Variants in PALLD observed in about 807,000 individuals in gnomAD.
PALLD encodes the protein palladin, cytoskeletal associated protein, also known as palladin.
Under a neutral mutation model 123.5 loss-of-function variants are expected in PALLD, and 61 were observed. The observed-to-expected ratio is 0.49, with a 90% CI of 0.40 to 0.61. PALLD has a LOEUF of 0.61. Ranked by LOEUF, PALLD falls within the 20% of genes least tolerant of loss-of-function variation. The pLI is 0.00. For missense variants in PALLD, 1,273 were observed against 1,377.0 expected, an observed-to-expected ratio of 0.92 and a Z score of 1.20; for synonymous variants, 465 against 496.4, an observed-to-expected ratio of 0.94 and a Z score of 0.84.
At chr4:168,586,982 C>T (rs1049663494) in intron 2 of PALLD, among the ~76,000 whole-genome samples, 3 of 152,090 alleles carry the variant, frequency 2.0e-5, no homozygotes, top group African/African-American at 4.8e-5. Context: ...TGCAGAGCTG[C>T]GCTTCTGCTC....
chr4:168,664,030 T>C (rs1329558047), intron 2 of PALLD, among the ~76,000 whole-genome samples: 2 of 152,218 alleles, frequency 1.3e-5, no homozygotes, highest in Admixed American at 6.5e-5. Flanking sequence ...ACATATTACA[T>C]CTCCCTCCTT....
At chr4:168,610,623 A>G (rs1773636370) in intron 2 of PALLD, among the ~76,000 whole-genome samples, 1 of 152,178 alleles carries the variant, frequency 6.6e-6, no homozygotes, top group Admixed American at 6.5e-5. Context: ...AAGGGGTAGA[A>G]ATAAACTCGT....
intron 2 of PALLD, among the ~76,000 whole-genome samples, chr4:168,623,269 C>T (rs969934199): frequency 2.6e-5 from 4 of 152,118 alleles, no homozygotes; most frequent in African/African-American, 4.8e-5. Context: ...ATTTGTATCA[C>T]CACCTAAATA....
At position 168,646,699 on chromosome 4, in the gene PALLD, C is replaced by G. The variant is rs1414025587; in HGVS notation, c.909-21491C>G. ...AGTGGCATAAGATTAATTTCTATGG[C>G]TCCAAGCAATGATTACAGAAACATC... On this transcript the variant is annotated intron_variant, in intron 2 of 21. Transcript: ENST00000505667. Among the ~76,000 whole-genome samples the G allele has an allele frequency of 3.9e-5, 6 of 152,300 alleles. No individual in the cohort carries two copies. In the East Asian group the frequency reaches 9.7e-4, roughly 25 times the overall value.
intron 10 of PALLD, among the ~76,000 whole-genome samples, chr4:168,714,675 G>A (rs146130759): frequency 1.3e-5 from 2 of 152,178 alleles, no homozygotes; most frequent in African/African-American, 4.8e-5. Flanking sequence ...TTCACAAAAG[G>A]AAAGGCTTAT....
chr4:168,760,047 C>CAA (rs550788154), intron 10 of PALLD, among the ~76,000 whole-genome samples: 2,925 of 127,556 alleles, frequency 0.023, 103 homozygotes, highest in African/African-American at 0.077. Context: ...GAGACTGTCT[C>CAA]AAAAAAAAAA....
chr4:168,902,448 T>C (rs1417743020), intron 14 of PALLD, among the ~76,000 whole-genome samples: 2 of 152,186 alleles, frequency 1.3e-5, no homozygotes, highest in African/African-American at 4.8e-5. Flanking sequence ...TGGGCCTATC[T>C]TTCAACTGTG....
At chr4:168,657,058 T>C (rs979665151) in intron 2 of PALLD, among the ~76,000 whole-genome samples, 2 of 152,188 alleles carry the variant, frequency 1.3e-5, no homozygotes, top group Non-Finnish European at 2.9e-5. Flanking sequence ...TGCTAGGTAT[T>C]AAATGTCACC....
chr4:168,910,973 T>C (rs539011523), intron 15 of PALLD, among the ~76,000 whole-genome samples: 1 of 152,314 alleles, frequency 6.6e-6, no homozygotes, highest in South Asian at 2.1e-4. Flanking sequence ...AAAAACCATC[T>C]TGATGCATGT....
intron 10 of PALLD, among the ~76,000 whole-genome samples, chr4:168,858,614 C>G (rs768440432): frequency 1.3e-5 from 2 of 152,052 alleles, no homozygotes; most frequent in Non-Finnish European, 2.9e-5. Flanking sequence ...GAGACCCCAT[C>G]TCTACAAAAG....
intron 8 of PALLD, among the ~76,000 whole-genome samples, chr4:168,692,222 G>A (rs761975059): frequency 2.0e-5 from 3 of 152,272 alleles, no homozygotes; most frequent in Admixed American, 6.5e-5. Flanking sequence ...ACTGCAGTCA[G>A]TCCCTGAACT....
chr4:168,859,883 A>G (rs1749185233), intron 10 of PALLD, among the ~76,000 whole-genome samples: 2 of 152,252 alleles, frequency 1.3e-5, no homozygotes, highest in South Asian at 4.1e-4. Flanking sequence ...GTTTAACCCA[A>G]TATATTCAAA....
intron 2 of PALLD, chr4:168,536,621 G>C (rs950386022): frequency 2.0e-5 from 3 of 152,316 alleles, no homozygotes; most frequent in African/African-American, 7.2e-5. Context: ...GAAATGTCAA[G>C]CAAAGCGAGG....
rs761530979 is a variant in PALLD at position 168,903,905 on chromosome 4, A to C, written c.2621A>C (p.Gln874Pro). ...GNYTIMAANP[Q>P]GRISCTGRLM... is the part of the protein sequence containing the mutation. ...TATACAATTATGGCTGCAAACCCTC[A>C]GGTAAAGAAGGGTATAGGTCTGGGC... Residue 874 changes from glutamine (Q) to proline (P), a missense_variant and splice_region_variant, in exon 15 of 22, where the codon CAG becomes CCG. Physicochemically the swap from Gln to Pro is moderately conservative, Grantham distance 76. Transcript: ENST00000505667. 1.2e-6 allele frequency: 2 copies of C among 1,613,738 alleles called. No homozygotes were observed. The highest frequency in any genetic ancestry group is 1.7e-6 in the Non-Finnish European group (2 of 1,179,646).
intron 3 of PALLD, among the ~76,000 whole-genome samples, chr4:168,678,775 G>A (rs771777200): frequency 1.2e-5 from 1 of 82,750 alleles, no homozygotes; most frequent in Non-Finnish European, 2.0e-5. Context: ...AGAGGGGTAT[G>A]TGTGTGTGTG....
At chr4:168,522,919 C>A (rs1763690662) in intron 2 of PALLD, among the ~76,000 whole-genome samples, 1 of 152,004 alleles carries the variant, frequency 6.6e-6, no homozygotes, top group Admixed American at 6.6e-5. Context: ...ATACTAATTG[C>A]AAGTGAAAAC....
chr4:168,823,553 G>A (rs572010142), intron 10 of PALLD, among the ~76,000 whole-genome samples: 9 of 152,186 alleles, frequency 5.9e-5, no homozygotes, highest in East Asian at 3.9e-4. Context: ...GGTGGTGCAC[G>A]CTTGCAGTCC....
intron 15 of PALLD, among the ~76,000 whole-genome samples, chr4:168,904,739 G>A (rs760518890): frequency 3.3e-5 from 5 of 152,050 alleles, no homozygotes; most frequent in Non-Finnish European, 5.9e-5. Flanking sequence ...TAGAATCTCT[G>A]ATCTACTTAT....
At chr4:168,874,323 T>A (rs1289011559) in intron 10 of PALLD, among the ~76,000 whole-genome samples, 5 of 152,200 alleles carry the variant, frequency 3.3e-5, no homozygotes, top group African/African-American at 7.2e-5. Context: ...GTAGGAGAGA[T>A]GACTGAATTA....
Sources: gnomAD v4.1 joint callset for allele counts (sites outside exome capture counted in the v4.1 genomes callset) on GRCh38, gnomAD v4.1.1 for gene constraint, MANE v1.5 for transcripts, NCBI Gene and HGNC (gene_info 2026-07-23, HGNC 2026-07-21) for gene names.